Variants in METTL25 observed in about 807,000 individuals in gnomAD.
METTL25 encodes the protein probable methyltransferase-like protein 25.
In METTL25, 64 loss-of-function variants were observed where a neutral mutation model predicts 71.6. That is an observed-to-expected ratio of 0.89 (90% CI 0.73 to 1.10). METTL25 has a LOEUF of 1.10. METTL25 is among the 50% of genes least tolerant of loss of function. The probability of loss-of-function intolerance (pLI) is 0.00; values close to 1 mark genes in which losing one functional copy is unlikely to be tolerated. For missense variants in METTL25, 807 were observed against 707.0 expected, an observed-to-expected ratio of 1.14 and a Z score of -1.60; for synonymous variants, 287 against 250.3, an observed-to-expected ratio of 1.15 and a Z score of -1.38.
rs549709041 is a variant in METTL25 at position 82,478,831 on chromosome 12, T to C, written c.1720-101T>C. ...ATAAGAATTTTCTGTGAAACAGCTT[T>C]GTTTTTATGTATTTTTTATATTACA... On this transcript the variant is annotated intron_variant, in intron 11 of 11. Coordinates refer to ENST00000248306, the MANE Select transcript of METTL25 (RefSeq NM_032230.3). 110 of 888,112 alleles carry C rather than the reference T, an allele frequency of 1.2e-4. No homozygotes were observed. In the South Asian group the frequency reaches 2.0e-3, roughly 16 times the overall value. The allele number at this position is 888,112 out of a possible 1,614,324, so 55.0% of individuals were successfully genotyped here. A position where few individuals can be genotyped will look rare whatever the true frequency, so the allele number is the denominator to read the frequency against.
chr12:82,406,910 G>A (rs1221326666), intron 5 of METTL25, among the ~76,000 whole-genome samples: 2 of 152,038 alleles, frequency 1.3e-5, no homozygotes, highest in African/African-American at 2.4e-5. Context: ...AAGGCATGCA[G>A]TGATAGATGT....
chr12:82,379,220 T>A (rs1884186397), intron 1 of METTL25, among the ~76,000 whole-genome samples: 1 of 152,122 alleles, frequency 6.6e-6, no homozygotes, highest in African/African-American at 2.4e-5. Flanking sequence ...CCTACAGTGG[T>A]GTTCAGAAAT....
chr12:82,438,693 T>A (rs747032309), intron 7 of METTL25, 25 bp from the exon 8 acceptor site: 6 of 1,421,478 alleles, frequency 4.2e-6, no homozygotes, highest in Non-Finnish European at 5.6e-6. Context: ...TTTCTTGTGC[T>A]TATATATGTC....
intron 9 of METTL25, among the ~76,000 whole-genome samples, chr12:82,472,362 G>A (rs1436805883): frequency 6.6e-6 from 1 of 152,170 alleles, no homozygotes; most frequent in African/African-American, 2.4e-5. Context: ...ACTTTGGGAG[G>A]CCAAAGCAGG....
intron 8 of METTL25, among the ~76,000 whole-genome samples, chr12:82,446,171 TA>T (rs1890722022): frequency 6.6e-6 from 1 of 152,062 alleles, no homozygotes; most frequent in Non-Finnish European, 1.5e-5. Context: ...TGAAAATATA[TA>T]AAGCAAATAT....
intron 1 of METTL25, among the ~76,000 whole-genome samples, chr12:82,365,422 A>G (rs2136816703): frequency 6.6e-6 from 1 of 152,352 alleles, no homozygotes; most frequent in East Asian, 1.9e-4. Flanking sequence ...AGTACATAAT[A>G]TAGGCGAGAT....
At chr12:82,378,998 C>G (rs577787354) in intron 1 of METTL25, among the ~76,000 whole-genome samples, 334 of 152,298 alleles carry the variant, frequency 2.2e-3, no homozygotes, top group Non-Finnish European at 3.4e-3. Flanking sequence ...TGCTGCTGCA[C>G]TCTAGCCTGG....
chr12:82,380,722 A>T (rs550916560), intron 1 of METTL25, among the ~76,000 whole-genome samples: 1 of 152,222 alleles, frequency 6.6e-6, no homozygotes, highest in African/African-American at 2.4e-5. Flanking sequence ...GGTTCTGAGG[A>T]TACAGCAGTG....
Position 82,456,736 on chromosome 12 carries a change from T to G in METTL25, c.1488T>G (p.His496Gln). 6.3e-7 allele frequency: 1 copy of G among 1,590,928 alleles called. No individual in the cohort carries two copies. The highest frequency in any genetic ancestry group is 8.6e-7 in the Non-Finnish European group (1 of 1,168,962). The change falls in exon 9 of 12, where the codon CAT becomes CAG. Residue 496 changes from histidine (H) to glutamine (Q), a missense_variant. Physicochemically the swap from His to Gln is conservative, Grantham distance 24 (BLOSUM62 0). Coordinates refer to ENST00000248306, the MANE Select transcript of METTL25 (RefSeq NM_032230.3). ...CAATTTTGTTTTACAGTGATCGGCA[T>G]GTTGGTAAAATTTATTCCAAATGTT... The part of the protein sequence containing the change: ...DCYGITKCDR[H>Q]VGKIYSKCSS...
At chr12:82,409,292 A>G (rs1887359023) in intron 5 of METTL25, among the ~76,000 whole-genome samples, 1 of 152,124 alleles carries the variant, frequency 6.6e-6, no homozygotes, top group Non-Finnish European at 1.5e-5. Context: ...AACAAGAAAT[A>G]CGAGAAACAT....
chr12:82,389,597 T>C lies in METTL25; in HGVS notation c.425-219T>C, dbSNP rs1484071724. Among the ~76,000 whole-genome samples, 97 of 152,100 alleles carry C rather than the reference T, an allele frequency of 6.4e-4. 1 individual carries two copies. The highest frequency in any genetic ancestry group is 6.3e-3 in the Admixed American group (96 of 15,246). On this transcript the variant is annotated intron_variant, in intron 2 of 11. Transcript: ENST00000248306. ...TACCAGTCTTTTCCATTATAGTTAATTGTTACGGAATAGTTTTAATGTTCT... is the reference window on the plus strand; with the variant it reads ...TACCAGTCTTTTCCATTATAGTTAACTGTTACGGAATAGTTTTAATGTTCT...
intron 5 of METTL25, among the ~76,000 whole-genome samples, chr12:82,408,645 CAG>C (rs1887298006): frequency 1.4e-5 from 2 of 148,064 alleles, no homozygotes; most frequent in Non-Finnish European, 3.0e-5. Context: ...CAGTGGCAAA[CAG>C]AGTTGGTTCT....
At chr12:82,454,378 G>A (rs1387145264) in intron 8 of METTL25, among the ~76,000 whole-genome samples, 1 of 151,916 alleles carries the variant, frequency 6.6e-6, no homozygotes, top group Admixed American at 6.6e-5. Flanking sequence ...AGCATGGTAT[G>A]TTCAAGAAAC....
In METTL25 at chr12:82,438,780, C is replaced by T; in HGVS notation, c.1467C>T (p.Gly489=). 1 of 1,499,844 alleles carries T rather than the reference C, an allele frequency of 6.7e-7. No individual in the cohort carries two copies. The highest frequency in any genetic ancestry group is 9.1e-7 in the Non-Finnish European group (1 of 1,097,042). The allele number at this position is 1,499,844 out of a possible 1,614,324, so 92.9% of individuals were successfully genotyped here. ...AGGATATTATTAAAGATTGTTATGG[C>T]ATCACCAAATGGTATGAGGATTTTA... The part of the protein sequence containing the change: ...VLQDIIKDCY[G]ITKCDRHVGK... The change falls in exon 8 of 12, where the codon GGC becomes GGT. Residue 489 remains glycine, a synonymous_variant. Coordinates refer to ENST00000248306, the MANE Select transcript of METTL25 (RefSeq NM_032230.3).
chr12:82,478,788 A>C (rs527852895), intron 11 of METTL25, 144 bp from the exon 12 acceptor site: 4 of 615,268 alleles, frequency 6.5e-6, no homozygotes, highest in Admixed American at 6.1e-5. Flanking sequence ...TGTGAATGTT[A>C]ATTTTGTTTA....
At position 82,361,614 on chromosome 12, in the gene METTL25, C is replaced by T. The variant is rs542529837; in HGVS notation, c.259+2790C>T. Among the ~76,000 whole-genome samples, 13 of 152,142 alleles carry T rather than the reference C, an allele frequency of 8.5e-5. 1 individual carries two copies. The highest frequency in any genetic ancestry group is 5.2e-4 in the Admixed American group (8 of 15,284). ...GAATTCAAGAGCAGCGCTGGTGGGC[C>T]GGCACTGCTGGGGGACTTGGTGCAT... On this transcript the variant is annotated intron_variant, in intron 1 of 11. Coordinates refer to ENST00000248306, the MANE Select transcript of METTL25 (RefSeq NM_032230.3).
chr12:82,381,463 T>G (rs1017959777), intron 1 of METTL25, among the ~76,000 whole-genome samples: 3 of 152,206 alleles, frequency 2.0e-5, no homozygotes, highest in Non-Finnish European at 4.4e-5. Flanking sequence ...GGTTTGCATG[T>G]TTATATAACA....
rs139159248 is a variant in METTL25, at chr12:82,476,690, G to A, written c.1619G>A (p.Arg540Gln). 6.4e-4 allele frequency: 1,020 copies of A among 1,597,918 alleles called. No individual in the cohort carries two copies. The highest frequency in any genetic ancestry group is 8.2e-4 in the Non-Finnish European group (967 of 1,173,182). Reference protein sequence around the residue: ...IMNYYEKYKPRMNELEAFNML... With the variant: ...IMNYYEKYKPQMNELEAFNML... ...AACTACTACGAGAAGTATAAGCCTCGAATGAATGAGCTGGAAGCTTTTAAT... is the reference window on the plus strand; with the variant it reads ...AACTACTACGAGAAGTATAAGCCTCAAATGAATGAGCTGGAAGCTTTTAAT... Residue 540 changes from arginine (R) to glutamine (Q), a missense_variant, in exon 10 of 12, where the codon CGA becomes CAA. By Grantham distance (43) the Arg-to-Gln change is conservative. Coordinates refer to ENST00000248306, the MANE Select transcript of METTL25 (RefSeq NM_032230.3).
intron 5 of METTL25, among the ~76,000 whole-genome samples, chr12:82,414,356 T>C (rs886961889): frequency 5.3e-5 from 8 of 152,240 alleles, no homozygotes; most frequent in Admixed American, 2.0e-4. Context: ...CTCTGTGTTT[T>C]CTAGAATACT....
Sources: allele counts gnomAD v4.1 joint callset (sites outside exome capture counted in the v4.1 genomes callset), GRCh38; gene constraint gnomAD v4.1.1; transcripts MANE v1.5; gene names NCBI Gene and HGNC (gene_info 2026-07-23, HGNC 2026-07-21).